USP43: variants seen among roughly 807,000 people sequenced by gnomAD.
USP43 encodes the protein ubiquitin specific peptidase 43.
USP43 carries 33 observed loss-of-function variants against 90.7 expected under a neutral mutation model. The ratio of observed to expected loss-of-function variants is 0.36; its 90% CI spans 0.28 to 0.49. USP43 has a LOEUF of 0.49. USP43 is among the 20% of genes least tolerant of loss of function. USP43 has a pLI of 0.98. For synonymous variants in USP43, 598 were observed against 615.8 expected (o/e 0.97, Z 0.43); for missense variants, 1,274 against 1,476.4 (o/e 0.86, Z 2.25).
chr17:9,653,880 AT>A (rs1486327624), intron 1 of USP43, among the ~76,000 whole-genome samples: 1 of 152,086 alleles, frequency 6.6e-6, no homozygotes, highest in Non-Finnish European at 1.5e-5. Context: ...TTAGGTAGAT[AT>A]TGTTGTCTGG....
intron 3 of USP43, among the ~76,000 whole-genome samples, chr17:9,671,194 A>G (rs961178888): frequency 7.9e-5 from 12 of 152,190 alleles, no homozygotes; most frequent in African/African-American, 2.4e-5. Flanking sequence ...TAGTTATTCT[A>G]TGTGATTATC....
chr17:9,715,745 CTG>C, intron 14 of USP43, among the ~76,000 whole-genome samples: 1 of 119,714 alleles, frequency 8.4e-6, no homozygotes, highest in African/African-American at 2.8e-5. Context: ...GTGTGTGTCT[CTG>C]TAGGTATGTG....
intron 5 of USP43, among the ~76,000 whole-genome samples, chr17:9,679,026 T>G (rs1353850442): frequency 6.6e-6 from 1 of 152,180 alleles, no homozygotes; most frequent in Non-Finnish European, 1.5e-5. Context: ...TCCAGTATTT[T>G]AATCCCTTCT....
intron 14 of USP43, among the ~76,000 whole-genome samples, chr17:9,712,385 G>A (rs993160580): frequency 1.3e-5 from 2 of 152,128 alleles, no homozygotes; most frequent in African/African-American, 4.8e-5. Context: ...AGTAAACCTG[G>A]GAACATGGTA....
rs944285870 is a variant in USP43, at chr17:9,645,733, C to T, written c.101C>T (p.Ala34Val). 3 of 1,371,696 alleles carry T rather than the reference C, an allele frequency of 2.2e-6. No individual in the cohort carries two copies. Among genetic ancestry groups the T allele is most frequent in the Non-Finnish European group, 2.8e-6 (3 of 1,068,670 alleles). The allele number at this position is 1,371,696 out of a possible 1,614,324, so 85.0% of individuals were successfully genotyped here. Reference sequence around the variant, plus strand: ...CGCCTGTTCAGCCGCTTCCTGCTGGCGCTGGGCAGCCGCTCACGCCCCGGG... The same window carrying T: ...CGCCTGTTCAGCCGCTTCCTGCTGGTGCTGGGCAGCCGCTCACGCCCCGGG... ...LRRLFSRFLL[A>V]LGSRSRPGDS... The change falls in exon 1 of 15, where the codon GCG (alanine) becomes GTG (valine). Residue 34 changes from alanine (A) to valine (V), a missense_variant. Physicochemically the swap from Ala to Val is moderately conservative, Grantham distance 64. This residue lies in a region of USP43 where 112 missense variants were observed against 106.6 expected (regional missense o/e 1.05). Transcript: ENST00000285199. The surrounding 1 kb of genome is among the most constrained non-coding windows in gnomAD (Gnocchi z 6.8).
At chr17:9,681,305 G>T (rs534748168) in intron 6 of USP43, among the ~76,000 whole-genome samples, 35 of 91,380 alleles carry the variant, frequency 3.8e-4, no homozygotes, top group East Asian at 8.8e-4. Flanking sequence ...ATATAATATA[G>T]ATAAATATAT....
Position 9,682,715 on chromosome 17 carries a change from G to T in USP43, c.1106-108G>T. ...AAAGCCCTCTAGTGGCCCCCCATTG[G>T]TGGTTAATAGATGCTCAAAGAGAAA... On this transcript the variant is annotated intron_variant, in intron 6 of 14. Transcript: ENST00000285199. 2.1e-6 allele frequency: 3 copies of T among 1,422,930 alleles called. No homozygotes were observed. In the South Asian group the frequency reaches 4.5e-5, roughly 21 times the overall value. The allele number at this position is 1,422,930 out of a possible 1,614,324, so 88.1% of individuals were successfully genotyped here.
intron 1 of USP43, among the ~76,000 whole-genome samples, chr17:9,654,076 T>A (rs1912059514): frequency 6.6e-6 from 1 of 152,158 alleles, no homozygotes; most frequent in African/African-American, 2.4e-5. Context: ...GGCCGGCTGC[T>A]CACCCAGAAG....
At chr17:9,688,309 G>C (rs116933788) in intron 8 of USP43, among the ~76,000 whole-genome samples, 1 of 150,056 alleles carries the variant, frequency 6.7e-6, no homozygotes, top group African/African-American at 2.5e-5. Flanking sequence ...TTTCATGTGA[G>C]CATTTAACTC....
intron 12 of USP43, among the ~76,000 whole-genome samples, chr17:9,704,455 G>T (rs1181546988): frequency 6.6e-6 from 1 of 151,890 alleles, no homozygotes; most frequent in African/African-American, 2.4e-5. Flanking sequence ...GGCTGGCCAC[G>T]GTGGTGCTCG....
chr17:9,657,211 A>G (rs1912319909), intron 2 of USP43, among the ~76,000 whole-genome samples: 1 of 152,208 alleles, frequency 6.6e-6, no homozygotes, highest in Non-Finnish European at 1.5e-5. Context: ...ACACTGCTAT[A>G]AAGAAATACC....
In USP43 at chr17:9,645,772, G is replaced by A; in HGVS notation, c.140G>A (p.Arg47Gln). Residue 47 changes from arginine (R) to glutamine (Q), a missense_variant, in exon 1 of 15, where the codon CGG becomes CAG. Arg to Gln is a conservative substitution (Grantham distance 43, BLOSUM62 1). Transcript: ENST00000285199. The surrounding 1 kb of genome is among the most constrained non-coding windows in gnomAD (Gnocchi z 6.8). ...SRSRPGDSPP[R>Q]PQPGHCDGDG... is the part of the protein sequence containing the mutation. The stretch of plus-strand genomic sequence containing the variant: ...TCACGCCCCGGGGACTCACCGCCCC[G>A]GCCCCAGCCGGGACACTGTGATGGC... 1 of 1,392,472 alleles carries A rather than the reference G, an allele frequency of 7.2e-7. No individual in the cohort carries two copies. The highest frequency in any genetic ancestry group is 9.3e-7 in the Non-Finnish European group (1 of 1,081,056). 86.3% of individuals were successfully genotyped at this position (1,392,472 alleles called of 1,614,324 possible). A position where few individuals can be genotyped will look rare whatever the true frequency, so the allele number is the denominator to read the frequency against.
chr17:9,696,020 A>AT (rs911935686), intron 9 of USP43, among the ~76,000 whole-genome samples: 8 of 151,746 alleles, frequency 5.3e-5, no homozygotes, highest in East Asian at 3.9e-4. Flanking sequence ...ATCTCCTAGA[A>AT]TTTTTTTTGT....
chr17:9,715,967 A>G (rs1349711266), intron 14 of USP43, among the ~76,000 whole-genome samples: 2 of 126,082 alleles, frequency 1.6e-5, no homozygotes, highest in African/African-American at 3.0e-5. Context: ...GTATCTGTGT[A>G]TATGTGTGTG....
intron 12 of USP43, among the ~76,000 whole-genome samples, chr17:9,706,371 C>G (rs1408937984): frequency 2.0e-5 from 3 of 152,150 alleles, no homozygotes; most frequent in Non-Finnish European, 4.4e-5. Flanking sequence ...GTAAAATTAT[C>G]AATCATTTCT....
intron 8 of USP43, among the ~76,000 whole-genome samples, chr17:9,688,357 G>GT (rs11348983): frequency 0.024 from 3,318 of 138,028 alleles, 99 homozygotes; most frequent in East Asian, 0.073. Flanking sequence ...CTCCTGTCCT[G>GT]TTTTTTTTTT....
rs1400981461 is a variant in USP43 at position 9,729,612 on chromosome 17, A to G, written c.*622A>G. 1 of 152,126 alleles carries G rather than the reference A, an allele frequency of 6.6e-6. No homozygotes were observed. The highest frequency in any genetic ancestry group is 1.5e-5 in the Non-Finnish European group (1 of 68,026). The allele number at this position is 152,126 out of a possible 1,614,324, so 9.4% of individuals were successfully genotyped here. A position where few individuals can be genotyped will look rare whatever the true frequency, so the allele number is the denominator to read the frequency against. On this transcript the variant is annotated 3_prime_UTR_variant, in exon 15 of 15. Transcript: ENST00000285199. ...AGGTATTTTAAAAATAACTATTTTG[A>G]TACTAGAAAAAAAGTCCATTTTTTA...
intron 1 of USP43, among the ~76,000 whole-genome samples, chr17:9,648,938 C>CCTCTCTTTCTCTCTCTCT (rs1458953870): frequency 0.011 from 1,474 of 129,864 alleles, 27 homozygotes; most frequent in African/African-American, 0.043. Flanking sequence ...TGTCTCTCTC[C>CCTCTCTTTCTCTCTCTCT]CTCTCTCTCT....
chr17:9,682,756 C>A, intron 6 of USP43, 67 bp from the exon 7 acceptor site: 1 of 1,565,202 alleles, frequency 6.4e-7, no homozygotes, highest in South Asian at 1.2e-5. Context: ...ACTAGAGAAG[C>A]TAAGGCTCTG....
Sources: gnomAD v4.1 joint callset for allele counts (sites outside exome capture counted in the v4.1 genomes callset) on GRCh38, gnomAD v4.1.1 for gene constraint, gnomAD v4.1.1 regional missense constraint, Gnocchi (gnomAD v3.1) non-coding constraint, MANE v1.5 for transcripts, NCBI Gene and HGNC (gene_info 2026-07-23, HGNC 2026-07-21) for gene names.